Variants in CLTB observed in about 807,000 individuals in gnomAD.
The protein encoded by CLTB is clathrin, light chain (Lcb).
A neutral mutation model predicts 30.5 loss-of-function variants in CLTB; 10 were observed. The ratio of observed to expected loss-of-function variants is 0.33; its 90% CI spans 0.20 to 0.56. The LOEUF is 0.56. CLTB is among the 20% of genes least tolerant of loss of function. The pLI is 0.91. For synonymous variants in CLTB, 102 were observed against 120.3 expected (o/e 0.85, Z 1.00); for missense variants, 261 against 308.3 (o/e 0.85, Z 1.15).
Position 176,397,930 on chromosome 5 carries a change from C to T in CLTB, c.352G>A (p.Asp118Asn), listed in dbSNP as rs761019078. ...EEQRKRLQEL[D>N]AASKVTEQEW... ...AACCCCGCCTCAGCCCCGCCCTCAC[C>T]CAGCTCTTGCAGCCGTTTCCTCTGC... The change falls in exon 3 of 6, where the codon GAT becomes AAT. Residue 118 changes from aspartate to asparagine, a missense_variant and splice_region_variant. By Grantham distance (23) the Asp-to-Asn change is conservative. Around this residue, in one of 3 missense-constraint regions of CLTB, gnomAD observed 123 missense variants for 157.0 expected, o/e 0.78. Coordinates refer to ENST00000310418, the MANE Select transcript of CLTB (RefSeq NM_007097.5). The T allele has an allele frequency of 3.1e-6, 5 of 1,613,452 alleles. No homozygotes were observed. In the Admixed American group the frequency reaches 5.0e-5, roughly 16 times the overall value.
At chr5:176,413,225 AG>A (rs2113687649) in intron 1 of CLTB, among the ~76,000 whole-genome samples, 1 of 152,290 alleles carries the variant, frequency 6.6e-6, no homozygotes, top group South Asian at 2.1e-4. Context: ...GACACGTCCC[AG>A]GGATAAACCC....
At chr5:176,410,135 C>T in intron 2 of CLTB, 122 bp downstream of exon 2, 1 of 836,766 alleles carries the variant, frequency 1.2e-6, no homozygotes, top group Non-Finnish European at 1.9e-6. Context: ...ATGTTTCCAC[C>T]CCAATGCATC....
chr5:176,404,210 CAT>C (rs1434377233), intron 2 of CLTB, among the ~76,000 whole-genome samples: 1 of 152,186 alleles, frequency 6.6e-6, no homozygotes, highest in Non-Finnish European at 1.5e-5. Flanking sequence ...TTCTGTGACG[CAT>C]AGTTTGTGTG....
At chr5:176,415,105 A>G (rs1757629766) in intron 1 of CLTB, among the ~76,000 whole-genome samples, 1 of 152,236 alleles carries the variant, frequency 6.6e-6, no homozygotes, top group South Asian at 2.1e-4. Context: ...ATATTTTACA[A>G]AATCATTCTT....
At chr5:176,410,440 GAT>G in intron 1 of CLTB, 137 bp from the exon 2 acceptor site, 25 of 649,138 alleles carry the variant, frequency 3.9e-5, no homozygotes, top group South Asian at 5.7e-5. Context: ...AGACATAATG[GAT>G]ATATATATAA....
chr5:176,399,756 G>A (rs1756719807), intron 2 of CLTB, among the ~76,000 whole-genome samples: 1 of 151,660 alleles, frequency 6.6e-6, no homozygotes, highest in South Asian at 2.1e-4. Flanking sequence ...TTAGCCAGGT[G>A]TAATGGCTGC....
At chr5:176,404,338 G>A (rs569284388) in intron 2 of CLTB, among the ~76,000 whole-genome samples, 34 of 152,338 alleles carry the variant, frequency 2.2e-4, no homozygotes, top group Non-Finnish European at 3.2e-4. Context: ...CCCTCAGCTC[G>A]CCTAGGGGCT....
chr5:176,399,138 C>T (rs896014166), intron 2 of CLTB, among the ~76,000 whole-genome samples: 10 of 152,176 alleles, frequency 6.6e-5, no homozygotes, highest in Non-Finnish European at 1.3e-4. Context: ...GCCACCGTGA[C>T]CAGCCCAAAA....
At chr5:176,410,565 T>G (rs985453338) in intron 1 of CLTB, among the ~76,000 whole-genome samples, 2 of 152,128 alleles carry the variant, frequency 1.3e-5, no homozygotes, top group East Asian at 3.9e-4. Flanking sequence ...TTACAGATAC[T>G]CAAGCTGAGG....
At position 176,409,604 on chromosome 5, in the gene CLTB, G is replaced by A. The variant is rs548668966; in HGVS notation, c.234+653C>T. Among the ~76,000 whole-genome samples, 13 of 151,822 alleles carry A rather than the reference G, an allele frequency of 8.6e-5. No homozygotes were observed. The East Asian group carries it at 9.7e-4, about 11-fold the overall frequency. ...AATTTTCTGTATTTTTAGTAAAGAC[G>A]GGGTTTCACTATGTTGGCCAGGCTG... On this transcript the variant is annotated intron_variant, in intron 2 of 5. Transcript: ENST00000310418.
rs555788824 is a variant in CLTB at position 176,406,217 on chromosome 5, C to A, written c.234+4040G>T. The A allele has an allele frequency of 7.0e-6, 7 of 1,001,774 alleles. No homozygotes were observed. The African/African-American group carries it at 8.7e-5, about 12-fold the overall frequency. 62.1% of individuals were successfully genotyped at this position (1,001,774 alleles called of 1,614,324 possible). A position where few individuals can be genotyped will look rare whatever the true frequency, so the allele number is the denominator to read the frequency against. On this transcript the variant is annotated intron_variant, in intron 2 of 5. Coordinates refer to ENST00000310418, the MANE Select transcript of CLTB (RefSeq NM_007097.5). ...GAGGGTTGGCAACCAGGAGAGATCA[C>A]CAGCGGCTAGAGCAATGTTCTGACT...
At chr5:176,409,649 C>T (rs902205371) in intron 2 of CLTB, among the ~76,000 whole-genome samples, 6 of 151,892 alleles carry the variant, frequency 4.0e-5, no homozygotes, top group African/African-American at 1.2e-4. Context: ...TCTGACCTCA[C>T]GTGATCCACC....
intron 5 of CLTB, among the ~76,000 whole-genome samples, chr5:176,394,229 CCT>C (rs1268549193): frequency 6.6e-6 from 1 of 152,222 alleles, no homozygotes; most frequent in Non-Finnish European, 1.5e-5. Context: ...CAGAGGCTCC[CCT>C]CTGTCCTTGC....
At chr5:176,411,185 C>T (rs1757411338) in intron 1 of CLTB, among the ~76,000 whole-genome samples, 1 of 152,156 alleles carries the variant, frequency 6.6e-6, no homozygotes, top group African/African-American at 2.4e-5. Flanking sequence ...TAAATACATG[C>T]ATGAAAGAAA....
chr5:176,400,893 G>A (rs1756784516), intron 2 of CLTB, among the ~76,000 whole-genome samples: 1 of 152,188 alleles, frequency 6.6e-6, no homozygotes, highest in African/African-American at 2.4e-5. Flanking sequence ...GGTTCAAGGA[G>A]GAGCTCTGGG....
At chr5:176,408,269 C>T (rs563526505) in intron 2 of CLTB, among the ~76,000 whole-genome samples, 24 of 150,742 alleles carry the variant, frequency 1.6e-4, no homozygotes, top group Admixed American at 5.9e-4. Context: ...CACGGTGGCT[C>T]GTGCCTGTAA....
chr5:176,400,380 G>C (rs1756760148), intron 2 of CLTB, among the ~76,000 whole-genome samples: 1 of 152,142 alleles, frequency 6.6e-6, no homozygotes, highest in Non-Finnish European at 1.5e-5. Flanking sequence ...CATTTTACAA[G>C]GGAGGAAACT....
At chr5:176,396,557 G>T (rs751799129) in intron 4 of CLTB, 25 bp from the exon 5 acceptor site, 24 of 1,597,278 alleles carry the variant, frequency 1.5e-5, no homozygotes, top group Admixed American at 3.4e-5. Context: ...TGAGGGAAGG[G>T]GTTAGGTGGG....
chr5:176,396,571 A>G (rs1293141944), intron 4 of CLTB, 39 bp from the exon 5 acceptor site: 2 of 1,514,898 alleles, frequency 1.3e-6, no homozygotes, highest in Admixed American at 1.7e-5. Context: ...AGGTGGGGGA[A>G]GGCAGATGGC....
Sources: allele counts gnomAD v4.1 joint callset (sites outside exome capture counted in the v4.1 genomes callset), GRCh38; gene constraint gnomAD v4.1.1; regional missense constraint gnomAD v4.1.1; transcripts MANE v1.5; gene names NCBI Gene and HGNC (gene_info 2026-07-23, HGNC 2026-07-21).